The following CORO2B variants were observed in gnomAD, a reference collection of about 807,000 sequenced individuals.
CORO2B encodes coronin 2B.
In CORO2B, 26 loss-of-function variants were observed where a neutral mutation model predicts 58.8. The ratio of observed to expected loss-of-function variants is 0.44; its 90% CI spans 0.32 to 0.61. CORO2B has a LOEUF of 0.61. Ranked by LOEUF, CORO2B falls within the 20% of genes least tolerant of loss-of-function variation. The probability of loss-of-function intolerance (pLI) is 0.04; values close to 1 mark genes in which losing one functional copy is unlikely to be tolerated. For missense variants in CORO2B, 460 were observed against 645.1 expected (o/e 0.71, Z 3.11); for synonymous variants, 242 against 253.8 (o/e 0.95, Z 0.44).
chr15:68,621,584 C>T (rs963731101), intron 1 of CORO2B, among the ~76,000 whole-genome samples: 5 of 152,112 alleles, frequency 3.3e-5, no homozygotes, highest in Admixed American at 6.5e-5. Flanking sequence ...ATAACTCTGC[C>T]TTTCCAGATG....
At chr15:68,533,815 T>C in the CORO2B span, among the ~76,000 whole-genome samples, 152 of 152,346 alleles carry the variant, frequency 1.0e-3, no homozygotes, top group African/African-American at 3.6e-3. Context: ...ATCTGTTCCC[T>C]AAATACAAGA....
the CORO2B span, among the ~76,000 whole-genome samples, chr15:68,554,487 C>A: frequency 3.3e-5 from 5 of 152,150 alleles, no homozygotes; most frequent in African/African-American, 1.2e-4. Flanking sequence ...CCAGCCCAGG[C>A]ACCTTCCTTT....
At chr15:68,529,417 C>T in the CORO2B span, among the ~76,000 whole-genome samples, 1 of 152,204 alleles carries the variant, frequency 6.6e-6, no homozygotes, top group African/African-American at 2.4e-5. Context: ...GAAATGTATT[C>T]ATAACATGTA....
chr15:68,704,451 G>A lies in CORO2B; in HGVS notation c.334-6281G>A, dbSNP rs550827237. ...CTTACAGGTATGAAGACAGATGTTC[G>A]GAGAGGCTAAGAAACTTGGGGAAAA... is the stretch of plus-strand genomic sequence containing the variant. On this transcript the variant is annotated intron_variant, in intron 3 of 11. Transcript: ENST00000261861. Among the ~76,000 whole-genome samples, 7 of 152,158 alleles carry A rather than the reference G, an allele frequency of 4.6e-5. No homozygotes were observed. In the South Asian group the frequency reaches 8.3e-4, roughly 18 times the overall value.
intron 2 of CORO2B, among the ~76,000 whole-genome samples, chr15:68,646,081 T>C (rs930242601): frequency 6.6e-6 from 1 of 151,136 alleles, no homozygotes; most frequent in African/African-American, 2.4e-5. Flanking sequence ...GCCCACTCAT[T>C]TTTTTTTTAA....
intron 1 of CORO2B, among the ~76,000 whole-genome samples, chr15:68,586,693 C>T (rs552347912): frequency 2.3e-4 from 35 of 152,228 alleles, no homozygotes; most frequent in Admixed American, 6.5e-4. Flanking sequence ...CCCGGACCTC[C>T]GGATTCTGGC....
At chr15:68,601,954 T>G (rs1207413680) in intron 1 of CORO2B, among the ~76,000 whole-genome samples, 1 of 151,852 alleles carries the variant, frequency 6.6e-6, no homozygotes, top group African/African-American at 2.4e-5. Context: ...GGAGGATCAC[T>G]GTGTCCCAGC....
intron 1 of CORO2B, among the ~76,000 whole-genome samples, chr15:68,624,666 G>C (rs1900626868): frequency 6.6e-6 from 1 of 151,558 alleles, no homozygotes; most frequent in Non-Finnish European, 1.5e-5. Context: ...GTGGGGCTGG[G>C]CATCTCTGTT....
In CORO2B at chr15:68,673,467, A is replaced by G. The variant is rs142664942; in HGVS notation, c.217-21673A>G. Among the ~76,000 whole-genome samples the G allele has an allele frequency of 5.3e-5, 8 of 152,248 alleles. No homozygotes were observed. In the East Asian group the frequency reaches 1.5e-3, roughly 29 times the overall value. ...TGGACAGTCGAGGCTGCAGTAAACT[A>G]TGATCATGCCACTGTACTCTGGCCT... On this transcript the variant is annotated intron_variant, in intron 2 of 11. Transcript: ENST00000261861.
chr15:68,630,663 A>G (rs748904383), intron 1 of CORO2B, among the ~76,000 whole-genome samples: 3 of 152,162 alleles, frequency 2.0e-5, no homozygotes, highest in African/African-American at 4.8e-5. Flanking sequence ...GACTGACTCA[A>G]GCTCTAGGAT....
chr15:68,640,500 GC>G (rs1487316523), intron 1 of CORO2B, among the ~76,000 whole-genome samples: 1 of 128,518 alleles, frequency 7.8e-6, no homozygotes, highest in Non-Finnish European at 1.6e-5. Context: ...CTTCCAAAAG[GC>G]AATGCTATTT....
intron 1 of CORO2B, among the ~76,000 whole-genome samples, chr15:68,635,563 A>G (rs990634421): frequency 6.6e-6 from 1 of 152,170 alleles, no homozygotes; most frequent in Admixed American, 6.5e-5. Flanking sequence ...TCCAGAGACA[A>G]GTCACTCCTC....
intron 1 of CORO2B, among the ~76,000 whole-genome samples, chr15:68,634,913 C>T (rs1301511926): frequency 1.3e-5 from 2 of 152,186 alleles, no homozygotes; most frequent in African/African-American, 2.4e-5. Context: ...TATTGGTCCA[C>T]AGGCAGTCCA....
intron 2 of CORO2B, among the ~76,000 whole-genome samples, chr15:68,666,797 T>G (rs2140291705): frequency 6.6e-6 from 1 of 152,250 alleles, no homozygotes; most frequent in South Asian, 2.1e-4. Flanking sequence ...ACTATTGCAA[T>G]CACTGCACTG....
chr15:68,584,764 GT>G (rs1899510167), intron 1 of CORO2B, among the ~76,000 whole-genome samples: 2 of 152,124 alleles, frequency 1.3e-5, no homozygotes, highest in Non-Finnish European at 2.9e-5. Flanking sequence ...TCCTTCCCCT[GT>G]AGGCCCTGCA....
At chr15:68,598,425 C>T (rs987171764) in intron 1 of CORO2B, among the ~76,000 whole-genome samples, 1 of 152,196 alleles carries the variant, frequency 6.6e-6, no homozygotes, top group Non-Finnish European at 1.5e-5. Flanking sequence ...GTGATTTTTA[C>T]TAATAGTAAC....
Position 68,627,681 on chromosome 15 carries a change from A to G in CORO2B, c.16-17479A>G, listed in dbSNP as rs73442228. 4.9e-3 allele frequency among the ~76,000 whole-genome samples: 743 copies of G among 152,180 alleles called. 3 individuals are homozygous for G. The highest frequency in any genetic ancestry group is 0.017 in the African/African-American group (711 of 41,494). ...ATGGGACGGGGAGATGTAAGCAGGA[A>G]ATGGCTTCTGCCCTGACCCTCTATG... is the stretch of plus-strand genomic sequence containing the variant. On this transcript the variant is annotated intron_variant, in intron 1 of 11. Coordinates refer to ENST00000261861, the MANE Select transcript of CORO2B (RefSeq NM_006091.5).
intron 1 of CORO2B, among the ~76,000 whole-genome samples, chr15:68,623,258 G>A (rs1465713077): frequency 2.0e-5 from 3 of 152,236 alleles, no homozygotes; most frequent in Admixed American, 2.0e-4. Context: ...AACCGGCCCG[G>A]CTCTTTTAAG....
chr15:68,552,817 C>G, the CORO2B span, among the ~76,000 whole-genome samples: 1 of 152,182 alleles, frequency 6.6e-6, no homozygotes, highest in African/African-American at 2.4e-5. Context: ...GTTCTCCCAA[C>G]CTATTGGATT....
Sources: gnomAD v4.1 joint callset for allele counts (sites outside exome capture counted in the v4.1 genomes callset) on GRCh38, gnomAD v4.1.1 for gene constraint, MANE v1.5 for transcripts, NCBI Gene and HGNC (gene_info 2026-07-23, HGNC 2026-07-21) for gene names.